CCT3: variants seen among roughly 807,000 people sequenced by gnomAD.
CCT3 encodes chaperonin containing TCP1 subunit 3.
In CCT3, 10 loss-of-function variants were observed where a neutral mutation model predicts 65.3. The ratio of observed to expected loss-of-function variants is 0.15; its 90% confidence interval spans 0.09 to 0.26. CCT3 has a LOEUF of 0.26. Among genes scored for constraint, CCT3 ranks in the 10% least tolerant of loss-of-function variants. The pLI is 1.00. For missense variants in CCT3, 626 were observed against 708.7 expected (o/e 0.88, Z 1.33); for synonymous variants, 225 against 242.3 (o/e 0.93, Z 0.66).
At chr1:156,325,899 A>T (rs1664781984) in intron 5 of CCT3, among the ~76,000 whole-genome samples, 1 of 151,474 alleles carries the variant, frequency 6.6e-6, no homozygotes, top group Non-Finnish European at 1.5e-5. Flanking sequence ...TGATCTTTCT[A>T]AAAAAAAATT....
At chr1:156,315,564 T>C (rs1664274332) in intron 10 of CCT3, among the ~76,000 whole-genome samples, 1 of 152,232 alleles carries the variant, frequency 6.6e-6, no homozygotes, top group South Asian at 2.1e-4. Flanking sequence ...GGGAATACAG[T>C]ATATAACACA....
At position 156,338,082 on chromosome 1, in the gene CCT3, G is replaced by A. The variant is rs576345432; in HGVS notation, c.31+72C>T. ...GGCCCGGTCAGTGGGGGACGGAGCT[G>A]GGGCAACACTGAAAAGTATGGACAG... On this transcript the variant is annotated intron_variant, in intron 1 of 13. Transcript: ENST00000295688. The A allele has an allele frequency of 2.0e-6, 3 of 1,511,326 alleles. No individual in the cohort carries two copies. In the African/African-American group the frequency reaches 4.1e-5, roughly 21 times the overall value. The allele number at this position is 1,511,326 out of a possible 1,614,324, so 93.6% of individuals were successfully genotyped here.
chr1:156,335,635 C>A (rs1157603285), intron 2 of CCT3, 192 bp downstream of exon 2: 2 of 526,818 alleles, frequency 3.8e-6, no homozygotes, highest in Non-Finnish European at 3.4e-6. Context: ...AGAAGATTAT[C>A]AGTCCTAACT....
chr1:156,313,350 G>GGAAAAA (rs570894422), intron 10 of CCT3, among the ~76,000 whole-genome samples: 2 of 106,720 alleles, frequency 1.9e-5, no homozygotes, highest in African/African-American at 3.2e-5. Context: ...AAAAAAAAAA[G>GGAAAAA]AAAAAAAAAA....
At chr1:156,336,094 G>T in intron 1 of CCT3, 1 of 432,888 alleles carries the variant, frequency 2.3e-6, no homozygotes, top group Non-Finnish European at 4.1e-6. Context: ...CCTTATGGCT[G>T]TTAACTTCCT....
At chr1:156,338,091 C>A (rs1216100741) in intron 1 of CCT3, 63 bp downstream of exon 1, 11 of 1,548,662 alleles carry the variant, frequency 7.1e-6, no homozygotes, top group East Asian at 2.4e-5. Flanking sequence ...TGGGGCAACA[C>A]TGAAAAGTAT....
intron 8 of CCT3, among the ~76,000 whole-genome samples, chr1:156,318,380 C>A (rs150040174): frequency 6.6e-6 from 1 of 152,016 alleles, no homozygotes; most frequent in Non-Finnish European, 1.5e-5. Context: ...CATGCCACCA[C>A]GCCCAATTAA....
intron 6 of CCT3, among the ~76,000 whole-genome samples, chr1:156,323,199 G>A (rs948343590): frequency 1.3e-5 from 2 of 151,780 alleles, no homozygotes; most frequent in Admixed American, 1.3e-4. Flanking sequence ...CCAGCTACTC[G>A]AGAGTCTGAG....
intron 10 of CCT3, among the ~76,000 whole-genome samples, chr1:156,312,607 G>A (rs1375857347): frequency 6.6e-6 from 1 of 151,880 alleles, no homozygotes; most frequent in Non-Finnish European, 1.5e-5. Flanking sequence ...GCAGTGAGCT[G>A]TGACCATGCC....
chr1:156,331,616 G>A (rs1376903531), intron 5 of CCT3, among the ~76,000 whole-genome samples: 1 of 152,040 alleles, frequency 6.6e-6, no homozygotes, highest in Non-Finnish European at 1.5e-5. Context: ...CTGGGAGGTG[G>A]AGGTTGCAGT....
Position 156,313,567 on chromosome 1 carries a change from C to A in CCT3, c.975-1346G>T, listed in dbSNP as rs2101632527. Among the ~76,000 whole-genome samples the A allele has an allele frequency of 2.6e-5, 4 of 152,244 alleles. No homozygotes were observed. In the Middle Eastern group the frequency reaches 0.01, roughly 388 times the overall value. ...AAGTTTATGTCTTGTAGTGTACAACCAGGCCTGGACAACAAGAATACTTTT... is the reference window on the plus strand; with the variant it reads ...AAGTTTATGTCTTGTAGTGTACAACAAGGCCTGGACAACAAGAATACTTTT... On this transcript the variant is annotated intron_variant, in intron 10 of 13. Coordinates refer to ENST00000295688, the MANE Select transcript of CCT3 (RefSeq NM_005998.5).
chr1:156,328,989 C>A lies in CCT3; in HGVS notation c.305-3900G>T, dbSNP rs112833372. On this transcript the variant is annotated intron_variant, in intron 5 of 13. Coordinates refer to ENST00000295688, the MANE Select transcript of CCT3 (RefSeq NM_005998.5). ...AAGAAAAATAATCAAAAAATACAGT[C>A]ACGTACCATTTAATGTTTCAGCCAA... Among the ~76,000 whole-genome samples, 391 of 152,212 alleles carry A rather than the reference C, an allele frequency of 2.6e-3. 1 individual carries two copies. Among genetic ancestry groups the A allele is most frequent in the Non-Finnish European group, 4.3e-3 (293 of 68,024 alleles).
rs373109373 is a variant in CCT3 at position 156,317,157 on chromosome 1, C to A, written c.974+9G>T. The A allele has an allele frequency of 1.5e-5, 24 of 1,611,792 alleles. No individual in the cohort carries two copies. Among genetic ancestry groups the A allele is most frequent in the Middle Eastern group, 3.3e-4 (2 of 6,080 alleles). ...GAAGAAAAGTCTTGTTTTTACCTGG[C>A]CTACTCACCTAGCAATGCGATTATT... On this transcript the variant is annotated intron_variant, in intron 10 of 13. Coordinates refer to ENST00000295688, the MANE Select transcript of CCT3 (RefSeq NM_005998.5).
rs1664425486 is a variant in CCT3, at chr1:156,318,930, T to C, written c.697A>G (p.Ile233Val). 1.2e-6 allele frequency: 2 copies of C among 1,614,160 alleles called. No homozygotes were observed. Among genetic ancestry groups the C allele is most frequent in the Non-Finnish European group, 1.7e-6 (2 of 1,180,024 alleles). The change falls in exon 8 of 14, where the codon ATC (isoleucine) becomes GTC (valine). Residue 233 changes from isoleucine (I) to valine (V), a missense_variant. By Grantham distance (29) the Ile-to-Val change is conservative. Transcript: ENST00000295688. ...AGCAGCACAATGCGAGGGTTCTTGA[T>C]ATAGCGCCGCATACGTGGATGGGTC... Reference protein sequence around the residue: ...DVTHPRMRRYIKNPRIVLLDS... With the variant: ...DVTHPRMRRYVKNPRIVLLDS...
chr1:156,318,810 T>C, intron 8 of CCT3, 58 bp downstream of exon 8: 2 of 1,553,506 alleles, frequency 1.3e-6, no homozygotes, highest in Non-Finnish European at 1.8e-6. Flanking sequence ...ATTTCTGTTG[T>C]TCATATTTGC....
intron 5 of CCT3, among the ~76,000 whole-genome samples, chr1:156,331,418 C>G (rs895757962): frequency 2.6e-5 from 4 of 152,150 alleles, no homozygotes; most frequent in African/African-American, 9.7e-5. Flanking sequence ...CGCAGTGGCT[C>G]ACACCTGTAA....
At chr1:156,321,313 C>T (rs192518204) in intron 6 of CCT3, among the ~76,000 whole-genome samples, 1 of 152,204 alleles carries the variant, frequency 6.6e-6, no homozygotes, top group Admixed American at 6.5e-5. Context: ...TCTGCTTCAA[C>T]CAAGTAAACT....
At chr1:156,327,320 A>ACGGTCTCCCTCTGATG (rs751317801) in intron 5 of CCT3, among the ~76,000 whole-genome samples, 236 of 151,044 alleles carry the variant, frequency 1.6e-3, no homozygotes, top group Non-Finnish European at 2.8e-3. Flanking sequence ...CTCTCTTTCC[A>ACGGTCTCCCTCTGATG]CGGTCTCCCT....
chr1:156,322,439 A>G (rs1264506227), intron 6 of CCT3, among the ~76,000 whole-genome samples: 2 of 151,912 alleles, frequency 1.3e-5, no homozygotes, highest in Non-Finnish European at 2.9e-5. Context: ...GGTTGCAGTG[A>G]GCCGAGATCA....
Sources: allele counts gnomAD v4.1 joint callset (sites outside exome capture counted in the v4.1 genomes callset), GRCh38; gene constraint gnomAD v4.1.1; transcripts MANE v1.5; gene names NCBI Gene and HGNC (gene_info 2026-07-23, HGNC 2026-07-21).